The following NCOR2 variants were observed in gnomAD, a reference collection of about 807,000 sequenced individuals.
The protein encoded by NCOR2 is CTG repeat protein 26.
NCOR2 carries 81 observed loss-of-function variants against 262.9 expected under a neutral mutation model. The ratio of observed to expected loss-of-function variants is 0.31; its 90% CI spans 0.26 to 0.37. The LOEUF (loss-of-function observed/expected upper bound fraction) is 0.37. NCOR2 is among the 10% of genes least tolerant of loss of function. The pLI, the probability that NCOR2 is intolerant of heterozygous loss-of-function variation, is 1.00. For synonymous variants in NCOR2, 1,659 were observed against 1,559.3 expected (o/e 1.06, Z -1.51); for missense variants, 3,385 against 3,621.4 (o/e 0.93, Z 1.68).
intron 1 of NCOR2, among the ~76,000 whole-genome samples, chr12:124,560,968 G>C (rs2052049497): frequency 6.6e-6 from 1 of 152,190 alleles, no homozygotes. Context: ...GATGTATTAA[G>C]TCATATCATA....
intron 16 of NCOR2, among the ~76,000 whole-genome samples, chr12:124,390,060 C>G (rs910330085): frequency 6.6e-6 from 1 of 152,108 alleles, no homozygotes; most frequent in Admixed American, 6.5e-5. Context: ...TGTCCCTGCA[C>G]CCCCAGCCCT....
intron 7 of NCOR2, among the ~76,000 whole-genome samples, chr12:124,438,780 G>C (rs1191391695): frequency 4.1e-5 from 3 of 72,636 alleles, no homozygotes; most frequent in African/African-American, 1.6e-4. Context: ...CAGAGAGACA[G>C]AGAGAGAGAG....
At chr12:124,356,959 C>T in intron 22 of NCOR2, 177 bp from the exon 25 acceptor site, 3 of 714,168 alleles carry the variant, frequency 4.2e-6, no homozygotes, top group Non-Finnish European at 6.1e-6. Flanking sequence ...GCTCTGTAAC[C>T]CCATGGTATT....
At chr12:124,441,318 G>T (rs1272835795) in intron 7 of NCOR2, among the ~76,000 whole-genome samples, 2 of 152,216 alleles carry the variant, frequency 1.3e-5, no homozygotes, top group Non-Finnish European at 2.9e-5. Context: ...GTTTCCGGCT[G>T]CCAGAGCTGG....
At position 124,432,822 on chromosome 12, in the gene NCOR2, G is replaced by T. The variant is rs1256690972; in HGVS notation, c.883-2035C>A. 7.5e-6 allele frequency among the ~76,000 whole-genome samples: 1 copy of T among 132,478 alleles called. No homozygotes were observed. The highest frequency in any genetic ancestry group is 2.5e-4 in the East Asian group (1 of 4,028). 86.9% of individuals were successfully genotyped at this position (132,478 alleles called of 152,430 possible). ...AATCAGCCCAGAGCATAGCTGCCTG[G>T]CTTCCACATCTCCAAGGTGACTTGA... is the stretch of plus-strand genomic sequence containing the variant. On this transcript the variant is annotated intron_variant, in intron 8 of 46. Coordinates refer to ENST00000405201, the Ensembl canonical transcript of NCOR2. This position sits in a 1 kb window ranked among gnomAD's most constrained non-coding sequence, Gnocchi z 5.1.
chr12:124,406,343 G>A (rs917337626), intron 13 of NCOR2, among the ~76,000 whole-genome samples: 63 of 152,130 alleles, frequency 4.1e-4, no homozygotes, highest in African/African-American at 1.5e-3. Flanking sequence ...CACATCCCCT[G>A]CCAATTCCCA....
In NCOR2 at chr12:124,385,892, C is replaced by CTTG. The variant is rs1565897235; in HGVS notation, c.1877-6_1877-5insCAA. The CTTG allele has an allele frequency of 3.7e-6, 6 of 1,612,714 alleles. No homozygotes were observed. Among genetic ancestry groups the CTTG allele is most frequent in the Non-Finnish European group, 4.2e-6 (5 of 1,179,648 alleles). ...TGCGGCCGTGTTCCAGGAGACCTGT[C>CTTG]TCAGGAGAGGAGGGCAGTGAGAAGA... On this transcript the variant is annotated splice_region_variant and splice_polypyrimidine_tract_variant and intron_variant, in intron 16 of 46. Transcript: ENST00000405201.
intron 8 of NCOR2, among the ~76,000 whole-genome samples, chr12:124,437,513 A>G (rs1565943393): frequency 1.3e-5 from 2 of 152,194 alleles, no homozygotes; most frequent in East Asian, 3.9e-4. Flanking sequence ...ACCTGGGCCC[A>G]GTGCACCAGG....
chr12:124,501,275 C>T (rs564262345), intron 1 of NCOR2, among the ~76,000 whole-genome samples: 3 of 152,250 alleles, frequency 2.0e-5, no homozygotes, highest in African/African-American at 4.8e-5. Flanking sequence ...CCTCCCTCAC[C>T]GCTCAGTAGG....
At position 124,523,541 on chromosome 12, in the gene NCOR2, C is replaced by A. The variant is rs750614386; in HGVS notation, c.-118+12024G>T. The stretch of plus-strand genomic sequence containing the variant: ...TTCACGCGGCCTCCACTGTGCCTTA[C>A]AACCGGCGTGTCCAGTCTTTTGGCT... On this transcript the variant is annotated intron_variant, in intron 1 of 46. Coordinates refer to the NCOR2 transcript ENST00000404621. This position sits in a 1 kb window ranked among gnomAD's most constrained non-coding sequence, Gnocchi z 4.0. Among the ~76,000 whole-genome samples, 2 of 151,708 alleles carry A rather than the reference C, an allele frequency of 1.3e-5. No individual in the cohort carries two copies. Among genetic ancestry groups the A allele is most frequent in the African/African-American group, 2.4e-5 (1 of 41,252 alleles).
chr12:124,340,560 T>C (rs764231798), intron 35 of NCOR2, 42 bp downstream of exon 37: 2 of 1,519,592 alleles, frequency 1.3e-6, no homozygotes, highest in Admixed American at 2.0e-5. Flanking sequence ...CCGCCTCCCA[T>C]GGATGCCGGG....
Position 124,548,030 on chromosome 12 carries a change from T to C in NCOR2, c.-164-12419A>G, listed in dbSNP as rs2051594446. Among the ~76,000 whole-genome samples the C allele has an allele frequency of 6.6e-6, 1 of 152,130 alleles. No homozygotes were observed. Among genetic ancestry groups the C allele is most frequent in the Non-Finnish European group, 1.5e-5 (1 of 68,018 alleles). ...TATAAAATAACCATAAGAACTATGA[T>C]GATGTGGAATCTGGTGAAGGAGCCA... On this transcript the variant is annotated intron_variant, in intron 1 of 32. Coordinates refer to the NCOR2 transcript ENST00000458234. The surrounding 1 kb of genome is among the most constrained non-coding windows in gnomAD (Gnocchi z 5.1).
exon 32 of NCOR2, chr12:124,344,615 T>C: frequency 6.9e-7 from 1 of 1,454,690 alleles, no homozygotes; most frequent in Non-Finnish European, 9.1e-7. Flanking sequence ...AGGCGCGGCG[T>C]GGGCTCCCGC....
intron 18 of NCOR2, 104 bp from the exon 21 acceptor site, chr12:124,374,567 C>T: frequency 9.3e-7 from 1 of 1,070,290 alleles, no homozygotes; most frequent in Non-Finnish European, 1.4e-6. Context: ...CAGTGCACAG[C>T]AGTGAGGCCT....
chr12:124,442,709 AC>A (rs1225623161), intron 7 of NCOR2, among the ~76,000 whole-genome samples: 1 of 152,148 alleles, frequency 6.6e-6, no homozygotes, highest in East Asian at 1.9e-4. Flanking sequence ...GTCACCCCCA[AC>A]CCCAACTACA....
Position 124,430,917 on chromosome 12 carries a change from C to A in NCOR2, c.883-130G>T, listed in dbSNP as rs750321163. 375 of 1,079,036 alleles carry A rather than the reference C, an allele frequency of 3.5e-4. 2 individuals carry two copies. Among genetic ancestry groups the A allele is most frequent in the Admixed American group, 1.9e-4 (7 of 36,628 alleles). The allele number at this position is 1,079,036 out of a possible 1,614,324, so 66.8% of individuals were successfully genotyped here. On this transcript the variant is annotated intron_variant, in intron 8 of 46. Coordinates refer to ENST00000405201, the Ensembl canonical transcript of NCOR2. ...ACACACAAAGTCACACAGGCACACA[C>A]ATATACAGTCAGATACAGCCACACA...
chr12:124,332,761 C>T lies in NCOR2; in HGVS notation c.6756-294G>A, dbSNP rs1248046923. Among the ~76,000 whole-genome samples the T allele has an allele frequency of 4.6e-5, 7 of 152,178 alleles. No homozygotes were observed. In the South Asian group the frequency reaches 1.2e-3, roughly 27 times the overall value. ...AGCCCCAAGGACTGAAATTGGGTTC[C>T]GATCATGCCCTTCCCCAGGGGCAGC... On this transcript the variant is annotated intron_variant, in intron 42 of 46. Coordinates refer to ENST00000405201, the Ensembl canonical transcript of NCOR2.
At chr12:124,510,434 TTGG>T (rs2049333555) in intron 1 of NCOR2, among the ~76,000 whole-genome samples, 1 of 152,164 alleles carries the variant, frequency 6.6e-6, no homozygotes, top group Admixed American at 6.5e-5. Context: ...AACACAACAC[TTGG>T]TGGCACCAAC....
intron 14 of NCOR2, 27 bp downstream of exon 16, chr12:124,402,377 C>T: frequency 1.2e-6 from 2 of 1,612,438 alleles, no homozygotes; most frequent in Non-Finnish European, 1.7e-6. Flanking sequence ...GCGGCCGGGC[C>T]CTGCAGGGGA....
Sources: allele counts gnomAD v4.1 joint callset (sites outside exome capture counted in the v4.1 genomes callset), GRCh38; gene constraint gnomAD v4.1.1; non-coding constraint Gnocchi (gnomAD v3.1); transcripts MANE v1.5; gene names NCBI Gene and HGNC (gene_info 2026-07-23, HGNC 2026-07-21).